Variants in CNTNAP2 observed in about 807,000 individuals in gnomAD.
The protein encoded by CNTNAP2 is contactin associated protein 2.
CNTNAP2 carries 98 observed loss-of-function variants against 155.2 expected under a neutral mutation model. That is an observed-to-expected ratio of 0.63 (90% CI 0.54 to 0.75). The LOEUF (loss-of-function observed/expected upper bound fraction) is 0.75, where lower values mean the gene tolerates loss of function less well. CNTNAP2 is among the 30% of genes least tolerant of loss of function. CNTNAP2 has a pLI of 0.00. For synonymous variants in CNTNAP2, 651 were observed against 631.2 expected, an observed-to-expected ratio of 1.03 and a Z score of -0.47; for missense variants, 1,727 against 1,688.1, an observed-to-expected ratio of 1.02 and a Z score of -0.40.
At chr7:146,250,079 G>A (rs1799732072) in intron 1 of CNTNAP2, among the ~76,000 whole-genome samples, 1 of 151,938 alleles carries the variant, frequency 6.6e-6, no homozygotes, top group Non-Finnish European at 1.5e-5. Flanking sequence ...AATCTATTAC[G>A]TGCCAGAAAC....
intron 10 of CNTNAP2, among the ~76,000 whole-genome samples, chr7:147,460,890 A>G (rs1563213003): frequency 6.6e-6 from 1 of 152,196 alleles, no homozygotes. Context: ...GAAGTCAAGC[A>G]GTAATTTTGA....
At chr7:146,539,559 T>C (rs1797920273) in intron 1 of CNTNAP2, among the ~76,000 whole-genome samples, 1 of 151,894 alleles carries the variant, frequency 6.6e-6, no homozygotes, top group Non-Finnish European at 1.5e-5. Flanking sequence ...ACATAGACTA[T>C]GGGCAGGTGG....
intron 3 of CNTNAP2, among the ~76,000 whole-genome samples, chr7:147,008,945 G>A (rs970813668): frequency 6.6e-6 from 1 of 151,182 alleles, no homozygotes; most frequent in East Asian, 1.9e-4. Flanking sequence ...AGGGCAGAGA[G>A]GTCTTCTGGT....
At chr7:146,117,278 AGG>A (rs536070975) in intron 1 of CNTNAP2, 163 of 366,724 alleles carry the variant, frequency 4.4e-4, no homozygotes, top group Middle Eastern at 2.3e-3. Context: ...TTGTTTGTGC[AGG>A]GAGAGTTAAC....
intron 1 of CNTNAP2, among the ~76,000 whole-genome samples, chr7:146,448,316 A>G (rs1796430632): frequency 6.6e-6 from 1 of 152,008 alleles, no homozygotes; most frequent in Non-Finnish European, 1.5e-5. Flanking sequence ...GGCTACTACA[A>G]TTGGGTCTCC....
intron 20 of CNTNAP2, 82 bp from the exon 21 acceptor site, chr7:148,266,951 G>A: frequency 7.9e-7 from 1 of 1,259,586 alleles, no homozygotes; most frequent in Non-Finnish European, 1.2e-6. Context: ...TTCAAAGAGT[G>A]ATGTCATCCC....
At chr7:147,435,528 A>G (rs1356660912) in intron 10 of CNTNAP2, among the ~76,000 whole-genome samples, 2 of 152,256 alleles carry the variant, frequency 1.3e-5, no homozygotes, top group Non-Finnish European at 2.9e-5. Context: ...ACATTTCTTC[A>G]TACACAAGAA....
chr7:146,315,614 C>T (rs916444371), intron 1 of CNTNAP2, among the ~76,000 whole-genome samples: 16 of 152,304 alleles, frequency 1.1e-4, no homozygotes, highest in African/African-American at 3.6e-4. Context: ...AGAGTCTCCT[C>T]TCTGCCACCT....
chr7:146,872,324 C>T (rs894960332), intron 3 of CNTNAP2, among the ~76,000 whole-genome samples: 2 of 151,918 alleles, frequency 1.3e-5, no homozygotes, highest in East Asian at 3.9e-4. Context: ...TTATTTTTTT[C>T]TGGTTGAAAA....
intron 15 of CNTNAP2, among the ~76,000 whole-genome samples, chr7:148,076,838 T>C (rs986072456): frequency 6.6e-6 from 1 of 152,120 alleles, no homozygotes; most frequent in Admixed American, 6.6e-5. Flanking sequence ...TACCAAATGT[T>C]AGTAAATGCA....
chr7:148,323,881 ATTT>A (rs35049282), intron 21 of CNTNAP2, among the ~76,000 whole-genome samples: 1,059 of 102,580 alleles, frequency 0.01, 5 homozygotes, highest in Middle Eastern at 0.02. Context: ...CTGAAGCCCC[ATTT>A]TTTTTTTTTT....
intron 1 of CNTNAP2, among the ~76,000 whole-genome samples, chr7:146,687,780 A>G (rs1800627791): frequency 6.6e-6 from 1 of 152,214 alleles, no homozygotes; most frequent in Non-Finnish European, 1.5e-5. Flanking sequence ...AGAGAGAGAC[A>G]GAGATATAAA....
intron 8 of CNTNAP2, among the ~76,000 whole-genome samples, chr7:147,257,499 CTTCT>C (rs1804358497): frequency 6.6e-6 from 1 of 152,182 alleles, no homozygotes; most frequent in Non-Finnish European, 1.5e-5. Context: ...TAATAGCCTC[CTTCT>C]AACAAGGGGT....
At chr7:147,498,067 A>C (rs997362374) in intron 11 of CNTNAP2, among the ~76,000 whole-genome samples, 1 of 152,038 alleles carries the variant, frequency 6.6e-6, no homozygotes, top group African/African-American at 2.4e-5. Flanking sequence ...GCCCTTGAGT[A>C]AGGCAAGTAG....
chr7:146,608,247 T>C (rs347196), intron 1 of CNTNAP2, among the ~76,000 whole-genome samples: 20,427 of 152,216 alleles, frequency 0.13, 2,388 homozygotes, highest in African/African-American at 0.31. Context: ...TGTTCCTTTT[T>C]CCAGGTTTAA....
At chr7:147,743,541 T>G (rs1426502577) in intron 13 of CNTNAP2, among the ~76,000 whole-genome samples, 1 of 152,144 alleles carries the variant, frequency 6.6e-6, no homozygotes. Context: ...TTAAGACCTA[T>G]GGGTTGTTTG....
chr7:148,010,498 A>G (rs1301512226), intron 15 of CNTNAP2, among the ~76,000 whole-genome samples: 2 of 150,892 alleles, frequency 1.3e-5, no homozygotes, highest in Admixed American at 6.6e-5. Flanking sequence ...ACCGTTTTCT[A>G]TGTTTGGGTC....
intron 1 of CNTNAP2, among the ~76,000 whole-genome samples, chr7:146,601,834 A>G (rs1294642391): frequency 6.6e-6 from 1 of 152,114 alleles, no homozygotes; most frequent in Non-Finnish European, 1.5e-5. Flanking sequence ...AAAGTAGAAG[A>G]ATTAAGTTGA....
intron 10 of CNTNAP2, among the ~76,000 whole-genome samples, chr7:147,409,487 A>G (rs1797065993): frequency 1.3e-5 from 2 of 152,192 alleles, no homozygotes; most frequent in African/African-American, 4.8e-5. Context: ...GGACATAGGC[A>G]TGGGCAAAGG....
Sources: gnomAD v4.1 joint callset for allele counts (sites outside exome capture counted in the v4.1 genomes callset) on GRCh38, gnomAD v4.1.1 for gene constraint, MANE v1.5 for transcripts, NCBI Gene and HGNC (gene_info 2026-07-23, HGNC 2026-07-21) for gene names.